Variants in ZMIZ1 observed in about 807,000 individuals in gnomAD.
ZMIZ1 encodes zinc finger MIZ-type containing 1.
ZMIZ1 carries 17 observed loss-of-function variants against 113.9 expected under a neutral mutation model. That is an observed-to-expected ratio of 0.15 (90% CI 0.10 to 0.22). The LOEUF is 0.22. ZMIZ1 is among the 10% of genes least tolerant of loss of function. The pLI, the probability that ZMIZ1 is intolerant of heterozygous loss-of-function variation, is 1.00. For synonymous variants in ZMIZ1, 607 were observed against 603.1 expected (o/e 1.01, Z -0.09); for missense variants, 1,059 against 1,477.8 (o/e 0.72, Z 4.65).
Position 79,147,922 on chromosome 10 carries a change from A to T in ZMIZ1, c.-131+8145A>T, listed in dbSNP as rs74791648. Among the ~76,000 whole-genome samples, 1,271 of 152,330 alleles carry T rather than the reference A, an allele frequency of 8.3e-3. 15 individuals carry two copies. Among genetic ancestry groups the T allele is most frequent in the African/African-American group, 0.029 (1,207 of 41,570 alleles). On this transcript the variant is annotated intron_variant, in intron 3 of 24. Coordinates refer to ENST00000334512, the MANE Select transcript of ZMIZ1 (RefSeq NM_020338.4). ...ACCTGGGGGCCTTCTCCTAGCCCAC[A>T]TGGGGAGCAGAGCACCAGGGGAAGT... is the stretch of plus-strand genomic sequence containing the variant.
At chr10:79,273,725 A>G (rs1346114909) in intron 7 of ZMIZ1, among the ~76,000 whole-genome samples, 1 of 152,222 alleles carries the variant, frequency 6.6e-6, no homozygotes, top group Non-Finnish European at 1.5e-5. Context: ...AAGGGGCCCA[A>G]AAAGTTTGCA....
intron 7 of ZMIZ1, among the ~76,000 whole-genome samples, chr10:79,239,158 A>G (rs1849709839): frequency 6.6e-6 from 1 of 152,172 alleles, no homozygotes; most frequent in Non-Finnish European, 1.5e-5. Flanking sequence ...GACCCCTCAG[A>G]GGTTGGCAGA....
chr10:79,087,318 G>A (rs1842848965), intron 1 of ZMIZ1, among the ~76,000 whole-genome samples: 1 of 152,228 alleles, frequency 6.6e-6, no homozygotes, highest in Non-Finnish European at 1.5e-5. Context: ...CTTGGATTAG[G>A]AGTAGGCTGA....
intron 7 of ZMIZ1, among the ~76,000 whole-genome samples, chr10:79,226,385 C>T (rs1200121669): frequency 6.6e-6 from 1 of 152,176 alleles, no homozygotes; most frequent in African/African-American, 2.4e-5. Context: ...TGCCTGCCTT[C>T]CCGAGCCTTC....
intron 6 of ZMIZ1, among the ~76,000 whole-genome samples, chr10:79,210,069 CT>C (rs1282075023): frequency 1.3e-5 from 2 of 152,256 alleles, no homozygotes; most frequent in African/African-American, 2.4e-5. Flanking sequence ...CCCCAGCCCC[CT>C]AATCCTCTTT....
chr10:79,283,259 G>A (rs1005066766), intron 8 of ZMIZ1, among the ~76,000 whole-genome samples: 20 of 152,294 alleles, frequency 1.3e-4, no homozygotes, highest in African/African-American at 3.6e-4. Context: ...ATAGCAGGTC[G>A]GGGAACAGGC....
At position 79,255,762 on chromosome 10, in the gene ZMIZ1, C is replaced by T. The variant is rs576945089; in HGVS notation, c.281-21419C>T. Among the ~76,000 whole-genome samples the T allele has an allele frequency of 2.6e-5, 4 of 152,260 alleles. 1 individual carries two copies. The highest frequency in any genetic ancestry group is 4.1e-4 in the South Asian group (2 of 4,822). ...GGGGCTCCAACTCACAGAAATAAAC[C>T]GTCCCTCCCCACCCCTGCACTTTTT... On this transcript the variant is annotated intron_variant, in intron 7 of 24. Coordinates refer to ENST00000334512, the MANE Select transcript of ZMIZ1 (RefSeq NM_020338.4).
intron 22 of ZMIZ1, among the ~76,000 whole-genome samples, chr10:79,307,019 G>A (rs1046430009): frequency 3.3e-5 from 5 of 152,198 alleles, no homozygotes; most frequent in African/African-American, 7.2e-5. Flanking sequence ...CTTTCTTTGT[G>A]GGCTTGGCAG....
At chr10:79,240,301 C>A (rs1424281457) in intron 7 of ZMIZ1, among the ~76,000 whole-genome samples, 1 of 152,242 alleles carries the variant, frequency 6.6e-6, no homozygotes, top group African/African-American at 2.4e-5. Flanking sequence ...CCTTTGTCTG[C>A]GGCCTCTTTG....
intron 24 of ZMIZ1, 141 bp downstream of exon 24, chr10:79,311,325 C>G: frequency 9.1e-7 from 1 of 1,096,950 alleles, no homozygotes; most frequent in East Asian, 3.0e-5. Flanking sequence ...CCAGACCTGG[C>G]TCCAGACCAG....
chr10:79,090,439 C>G, intron 1 of ZMIZ1, among the ~76,000 whole-genome samples: 1 of 152,172 alleles, frequency 6.6e-6, no homozygotes, highest in East Asian at 1.9e-4. Context: ...GACCTTCTGC[C>G]CCCTCTCAGG....
chr10:79,293,765 G>A (rs1205929859), intron 12 of ZMIZ1, 112 bp downstream of exon 12: 6 of 1,524,138 alleles, frequency 3.9e-6, no homozygotes, highest in Non-Finnish European at 5.4e-6. Flanking sequence ...AGCACACTTG[G>A]ACAAAGAGGC....
intron 3 of ZMIZ1, among the ~76,000 whole-genome samples, chr10:79,153,805 C>G (rs574655994): frequency 6.6e-6 from 1 of 152,234 alleles, no homozygotes; most frequent in Non-Finnish European, 1.5e-5. Context: ...TGCCCAGACC[C>G]GCCACCACCC....
chr10:79,090,590 G>A (rs1256011843), intron 1 of ZMIZ1, among the ~76,000 whole-genome samples: 1 of 152,190 alleles, frequency 6.6e-6, no homozygotes, highest in African/African-American at 2.4e-5. Context: ...GCTTTGAGGT[G>A]CAAGAACAAT....
intron 7 of ZMIZ1, among the ~76,000 whole-genome samples, chr10:79,275,183 C>T (rs905814105): frequency 2.6e-5 from 4 of 152,244 alleles, no homozygotes; most frequent in African/African-American, 9.6e-5. Flanking sequence ...AATAGGCTGC[C>T]TTTCCAGCTG....
At chr10:79,258,671 A>G (rs894252430) in intron 7 of ZMIZ1, among the ~76,000 whole-genome samples, 1 of 152,238 alleles carries the variant, frequency 6.6e-6, no homozygotes. Context: ...CCATCAGTGC[A>G]ACATAGCTTT....
chr10:79,298,319 T>A (rs1854044886), intron 14 of ZMIZ1, 87 bp from the exon 15 acceptor site: 3 of 1,436,160 alleles, frequency 2.1e-6, no homozygotes, highest in Non-Finnish European at 2.8e-6. Context: ...TCCAGGCCCC[T>A]GGGATGAGTG....
chr10:79,297,690 G>T lies in ZMIZ1; in HGVS notation c.1491G>T (p.Arg497Ser). 6.2e-7 allele frequency: 1 copy of T among 1,613,438 alleles called. No individual in the cohort carries two copies. The highest frequency in any genetic ancestry group is 1.7e-5 in the Admixed American group (1 of 59,992). The change falls in exon 14 of 25, where the codon AGG becomes AGT. Residue 497 changes from arginine (R) to serine (S), a missense_variant and splice_region_variant. Arg to Ser is a moderately radical substitution (Grantham distance 110). This residue lies in a region of ZMIZ1 where 239 missense variants were observed against 247.5 expected (regional missense o/e 0.97). Transcript: ENST00000334512. ...ACTACAGCCAAGGGAATGTCAACAG[G>T]GTATGTTCCAATTTAATTTACAAAT... ...YSNYSQGNVN[R>S]PPRPVPVANY...
Position 79,306,318 on chromosome 10 carries a change from C to T in ZMIZ1, c.2642C>T (p.Thr881Ile), listed in dbSNP as rs1400026589. The T allele has an allele frequency of 3.7e-6, 6 of 1,611,754 alleles. No individual in the cohort carries two copies. The highest frequency in any genetic ancestry group is 4.2e-6 in the Non-Finnish European group (5 of 1,179,978). ...PYPLPPPPGG[T>I]NSNDYSSQGN... ...CCCCTCCCGCCTCCCCCAGGGGGCA[C>T]CAACTCCAACGACTACAGCAGCCAA... The change falls in exon 22 of 25, where the codon ACC (threonine) becomes ATC (isoleucine). Residue 881 changes from threonine to isoleucine, a missense_variant. Physicochemically the swap from Thr to Ile is moderately conservative, Grantham distance 89. Transcript: ENST00000334512.
Sources: gnomAD v4.1 joint callset for allele counts (sites outside exome capture counted in the v4.1 genomes callset) on GRCh38, gnomAD v4.1.1 for gene constraint, gnomAD v4.1.1 regional missense constraint, MANE v1.5 for transcripts, NCBI Gene and HGNC (gene_info 2026-07-23, HGNC 2026-07-21) for gene names.